The following ZNF33A variants were observed in gnomAD, a reference collection of about 807,000 sequenced individuals.
ZNF33A encodes the protein zinc finger protein 33A, also known as brain my041 protein.
Under a neutral mutation model 15.9 loss-of-function variants are expected in ZNF33A, and 9 were observed. The ratio of observed to expected loss-of-function variants is 0.57; its 90% CI spans 0.34 to 0.99. The LOEUF (loss-of-function observed/expected upper bound fraction) is 0.99, where lower values mean the gene tolerates loss of function less well. Among genes scored for constraint, ZNF33A ranks in the 50% least tolerant of loss-of-function variants. ZNF33A has a pLI of 0.02. For missense variants in ZNF33A, 843 were observed against 941.6 expected (o/e 0.90, Z 1.37); for synonymous variants, 294 against 324.2 (o/e 0.91, Z 1.00).
chr10:38,064,333 G>A (rs1564892971), downstream of ZNF33A: 1 of 511,316 alleles, frequency 2.0e-6, no homozygotes. Flanking sequence ...TTGCACTGAG[G>A]AAGTGCACTG....
At chr10:38,015,965 A>G (rs1014551865) in intron 2 of ZNF33A, 4 of 1,230,700 alleles carry the variant, frequency 3.3e-6, no homozygotes, top group Admixed American at 4.2e-5. Context: ...CCATTTTCAC[A>G]GCAGTGATCC....
chr10:38,057,046 A>G lies in ZNF33A; in HGVS notation c.*486A>G, dbSNP rs2066512597. On this transcript the variant is annotated 3_prime_UTR_variant, in exon 5 of 5. Coordinates refer to ENST00000432900, the MANE Select transcript of ZNF33A (RefSeq NM_006954.2). ...TAATCATAGTATATGGTCAAGTCCAAGAAATCGATGTTACCTTGCTGGTAG... is the reference window on the plus strand; with the variant it reads ...TAATCATAGTATATGGTCAAGTCCAGGAAATCGATGTTACCTTGCTGGTAG... 9 of 697,506 alleles carry G rather than the reference A, an allele frequency of 1.3e-5. 1 individual carries two copies. The South Asian group carries it at 5.7e-4, about 44-fold the overall frequency. 43.2% of individuals were successfully genotyped at this position (697,506 alleles called of 1,614,324 possible).
chr10:38,061,789 C>T (rs1345162806), downstream of ZNF33A, among the ~76,000 whole-genome samples: 5 of 152,068 alleles, frequency 3.3e-5, no homozygotes, highest in East Asian at 1.9e-4. Context: ...GGTGAAACCC[C>T]GTCTCTACTA....
chr10:38,022,513 C>T (rs2064795935), intron 4 of ZNF33A, among the ~76,000 whole-genome samples: 1 of 151,888 alleles, frequency 6.6e-6, no homozygotes, highest in Non-Finnish European at 1.5e-5. Context: ...AAAAATTAGT[C>T]TGGTGTGGTG....
At chr10:38,066,034 A>G (rs1590739683), downstream of ZNF33A, among the ~76,000 whole-genome samples, 1 of 152,024 alleles carries the variant, frequency 6.6e-6, no homozygotes, top group South Asian at 2.1e-4. Context: ...GCACTCTGAC[A>G]CCTGGACTGG....
chr10:38,025,346 A>G (rs2064937442), intron 4 of ZNF33A, among the ~76,000 whole-genome samples: 1 of 152,366 alleles, frequency 6.6e-6, no homozygotes, highest in Non-Finnish European at 1.5e-5. Flanking sequence ...ATGTCTCCCC[A>G]GAATTCATAT....
chr10:38,032,635 G>C (rs1375131197), intron 4 of ZNF33A, among the ~76,000 whole-genome samples: 3 of 151,892 alleles, frequency 2.0e-5, no homozygotes, highest in Non-Finnish European at 2.9e-5. Context: ...ACACCCAGCT[G>C]TTTTTACATT....
At chr10:38,013,121 TA>T (rs2064273462) in intron 2 of ZNF33A, among the ~76,000 whole-genome samples, 1 of 152,170 alleles carries the variant, frequency 6.6e-6, no homozygotes, top group Non-Finnish European at 1.5e-5. Context: ...TTAATTTTTT[TA>T]TTTTTTTGAG....
intron 1 of ZNF33A, among the ~76,000 whole-genome samples, chr10:38,011,582 A>G (rs1191866192): frequency 6.6e-6 from 1 of 152,222 alleles, no homozygotes; most frequent in African/African-American, 2.4e-5. Flanking sequence ...TCTCAAAAAA[A>G]AACAAAAACA....
downstream of ZNF33A, among the ~76,000 whole-genome samples, chr10:38,065,972 G>C (rs1209931473): frequency 2.6e-5 from 4 of 151,810 alleles, no homozygotes; most frequent in Non-Finnish European, 5.9e-5. Context: ...GATTACCGAC[G>C]TGAGCCACTG....
chr10:38,034,646 A>G (rs750855314), intron 4 of ZNF33A, among the ~76,000 whole-genome samples: 1 of 152,188 alleles, frequency 6.6e-6, no homozygotes, highest in African/African-American at 2.4e-5. Flanking sequence ...CATTGGAACA[A>G]TGTTACTCTG....
intron 4 of ZNF33A, chr10:38,043,974 A>G (rs2135708951): frequency 6.6e-6 from 1 of 151,894 alleles, no homozygotes; most frequent in South Asian, 2.1e-4. Flanking sequence ...CAAGGTGAGC[A>G]TAGCCATTCA....
chr10:38,053,022 C>A (rs1167550278), intron 4 of ZNF33A, among the ~76,000 whole-genome samples: 1 of 151,746 alleles, frequency 6.6e-6, no homozygotes, highest in East Asian at 1.9e-4. Flanking sequence ...CCATCTTTAT[C>A]CAGAACTTTC....
rs367575842 is a variant in ZNF33A, at chr10:38,010,814, G to A, written c.-45+31G>A. The A allele has an allele frequency of 2.7e-5, 43 of 1,596,838 alleles. No homozygotes were observed. In the East Asian group the frequency reaches 3.8e-4, roughly 14 times the overall value. On this transcript the variant is annotated intron_variant, in intron 1 of 4. Coordinates refer to ENST00000432900, the MANE Select transcript of ZNF33A (RefSeq NM_006954.2). Reference sequence around the variant, plus strand: ...CCCCAGTGGGTTGGGCAGGGAGAGAGAGGGAGCCCCGCGCGACTCCTGGGG... The same window carrying A: ...CCCCAGTGGGTTGGGCAGGGAGAGAAAGGGAGCCCCGCGCGACTCCTGGGG...
In ZNF33A at chr10:38,055,526, C is replaced by G; in HGVS notation, c.1402C>G (p.Pro468Ala). Residue 468 changes from proline (P) to alanine (A), a missense_variant, in exon 5 of 5, where the codon CCT becomes GCT. Pro to Ala is a conservative substitution (Grantham distance 27). Transcript: ENST00000432900. Reference protein sequence around the residue: ...VHQRTHTGEKPFECLECGKSF... With the variant: ...VHQRTHTGEKAFECLECGKSF... ...CCAGAGAACTCACACAGGTGAGAAA[C>G]CTTTTGAATGTCTTGAGTGTGGGAA... The G allele has an allele frequency of 6.2e-7, 1 of 1,614,008 alleles. No homozygotes were observed. The highest frequency in any genetic ancestry group is 2.2e-5 in the East Asian group (1 of 44,852).
In ZNF33A at chr10:38,055,984, G is replaced by C. The variant is rs891220831; in HGVS notation, c.1860G>C (p.Gln620His). 1.9e-6 allele frequency: 3 copies of C among 1,613,502 alleles called. No individual in the cohort carries two copies. Among genetic ancestry groups the C allele is most frequent in the Non-Finnish European group, 2.5e-6 (3 of 1,179,854 alleles). ...ECNECGKAFY[Q>H]KSQLTQHQRI... ...ATGAATGTGGAAAAGCCTTCTACCA[G>C]AAGTCACAACTCACTCAGCATCAGA... The change falls in exon 5 of 5, where the codon CAG (glutamine) becomes CAC (histidine). Residue 620 changes from glutamine to histidine, a missense_variant. By Grantham distance (24) the Gln-to-His change is conservative. Coordinates refer to ENST00000432900, the MANE Select transcript of ZNF33A (RefSeq NM_006954.2).
chr10:38,031,702 C>T (rs1465596760), intron 4 of ZNF33A, among the ~76,000 whole-genome samples: 2 of 152,176 alleles, frequency 1.3e-5, no homozygotes, highest in South Asian at 2.1e-4. Context: ...CGGTAGCTCA[C>T]GCCTATAACC....
intron 4 of ZNF33A, among the ~76,000 whole-genome samples, chr10:38,053,754 G>A (rs2066322350): frequency 6.6e-6 from 1 of 152,070 alleles, no homozygotes; most frequent in Admixed American, 6.5e-5. Context: ...ACTAACCTGA[G>A]CTTTAATCTA....
intron 4 of ZNF33A, among the ~76,000 whole-genome samples, chr10:38,031,117 T>A (rs1327108722): frequency 6.6e-6 from 1 of 152,206 alleles, no homozygotes; most frequent in Non-Finnish European, 1.5e-5. Context: ...AACTAATGCA[T>A]GTGAAACTTG....
Sources: gnomAD v4.1 joint callset for allele counts (sites outside exome capture counted in the v4.1 genomes callset) on GRCh38, gnomAD v4.1.1 for gene constraint, MANE v1.5 for transcripts, NCBI Gene and HGNC (gene_info 2026-07-23, HGNC 2026-07-21) for gene names.